Variants in PTPRK observed in about 807,000 individuals in gnomAD.
PTPRK encodes the protein receptor-type tyrosine-protein phosphatase kappa.
A neutral mutation model predicts 178.0 loss-of-function variants in PTPRK; 75 were observed. That is an observed-to-expected ratio of 0.42 (90% CI 0.35 to 0.51). The LOEUF (loss-of-function observed/expected upper bound fraction) is 0.51, where lower values mean the gene tolerates loss of function less well. PTPRK is among the 20% of genes least tolerant of loss of function. The pLI, the probability that PTPRK is intolerant of heterozygous loss-of-function variation, is 0.02. For synonymous variants in PTPRK, 637 were observed against 620.6 expected (o/e 1.03, Z -0.39); for missense variants, 1,441 against 1,797.8 (o/e 0.80, Z 3.59).
intron 1 of PTPRK, among the ~76,000 whole-genome samples, chr6:128,486,820 AGAAGGAAG>A (rs555080760): frequency 6.7e-6 from 1 of 149,448 alleles, no homozygotes; most frequent in Non-Finnish European, 1.5e-5. Context: ...AAGGAAGGAA[AGAAGGAAG>A]GAAGGAAGGA....
intron 10 of PTPRK, among the ~76,000 whole-genome samples, chr6:128,081,768 T>C (rs1404428374): frequency 6.6e-6 from 1 of 152,060 alleles, no homozygotes; most frequent in Non-Finnish European, 1.5e-5. Context: ...TAGGGCATAC[T>C]ACAAAGCTAA....
At chr6:128,458,493 T>C (rs1025576649) in intron 1 of PTPRK, among the ~76,000 whole-genome samples, 1 of 152,222 alleles carries the variant, frequency 6.6e-6, no homozygotes, top group Admixed American at 6.5e-5. Context: ...TTGTATAATA[T>C]GACTTGAAAT....
intron 3 of PTPRK, among the ~76,000 whole-genome samples, chr6:128,263,921 C>A (rs981999): frequency 0.045 from 6,842 of 152,190 alleles, 516 homozygotes; most frequent in African/African-American, 0.16. Context: ...GTTGGAAAGG[C>A]CAGAGTAGTG....
chr6:128,484,896 A>G (rs1209343474), intron 1 of PTPRK, among the ~76,000 whole-genome samples: 1 of 152,178 alleles, frequency 6.6e-6, no homozygotes, highest in Non-Finnish European at 1.5e-5. Context: ...TCTAACTACT[A>G]TAATTTTAAT....
intron 1 of PTPRK, among the ~76,000 whole-genome samples, chr6:128,480,720 T>G (rs1032089045): frequency 6.6e-6 from 1 of 152,160 alleles, no homozygotes; most frequent in Admixed American, 6.5e-5. Context: ...GTTCACATAA[T>G]TGGACGTGAA....
chr6:128,409,346 C>G (rs1002944418), intron 1 of PTPRK: 6 of 454,404 alleles, frequency 1.3e-5, no homozygotes, highest in Admixed American at 4.7e-5. Context: ...AAGATAAAAT[C>G]AGAATGCAAA....
At chr6:128,282,420 C>A (rs1425920827) in intron 3 of PTPRK, among the ~76,000 whole-genome samples, 2 of 152,164 alleles carry the variant, frequency 1.3e-5, no homozygotes, top group African/African-American at 4.8e-5. Context: ...TTGTCACTTG[C>A]TGAAATCCCA....
intron 6 of PTPRK, among the ~76,000 whole-genome samples, chr6:128,187,870 T>C (rs966346391): frequency 2.6e-5 from 4 of 152,198 alleles, no homozygotes; most frequent in Non-Finnish European, 5.9e-5. Context: ...TATTAAATTT[T>C]TATGTTGGAG....
rs181719166 is a variant in PTPRK at position 128,376,766 on chromosome 6, C to T, written c.223+20800G>A. On this transcript the variant is annotated intron_variant, in intron 2 of 29. Transcript: ENST00000368226. ...AGTCACTCTTGAATGCTTTGCTGCTCAGAAATTTCTTTCACCAGATAACCT... is the reference window on the plus strand; with the variant it reads ...AGTCACTCTTGAATGCTTTGCTGCTTAGAAATTTCTTTCACCAGATAACCT... Among the ~76,000 whole-genome samples, 10 of 152,252 alleles carry T rather than the reference C, an allele frequency of 6.6e-5. No homozygotes were observed. The East Asian group carries it at 1.9e-3, about 29-fold the overall frequency.
At chr6:128,029,315 T>C (rs556183774) in intron 13 of PTPRK, among the ~76,000 whole-genome samples, 159 of 152,170 alleles carry the variant, frequency 1.0e-3, no homozygotes, top group Non-Finnish European at 1.7e-3. Context: ...CTACGCTTCC[T>C]CTACAGCCTG....
intron 10 of PTPRK, among the ~76,000 whole-genome samples, chr6:128,081,976 T>C (rs1283927887): frequency 6.6e-6 from 1 of 152,008 alleles, no homozygotes; most frequent in Non-Finnish European, 1.5e-5. Context: ...TTTTTAAGTG[T>C]GAAAGAAAAG....
rs547405757 is a variant in PTPRK at position 128,456,575 on chromosome 6, G to T, written c.101-58887C>A. On this transcript the variant is annotated intron_variant, in intron 1 of 29. Coordinates refer to ENST00000368226, the MANE Select transcript of PTPRK (RefSeq NM_002844.4). ...TGAAGTTATGCAGTCCCTCAAGTAT[G>T]GAAGATAAGATAACTATAATTACCA... Among the ~76,000 whole-genome samples, 3 of 152,014 alleles carry T rather than the reference G, an allele frequency of 2.0e-5. No homozygotes were observed. The East Asian group carries it at 5.8e-4, about 29-fold the overall frequency.
intron 2 of PTPRK, among the ~76,000 whole-genome samples, chr6:128,376,028 G>A (rs1000081877): frequency 2.6e-5 from 4 of 152,128 alleles, no homozygotes; most frequent in African/African-American, 4.8e-5. Context: ...TCATGGGTTG[G>A]CATTGAGTGT....
chr6:128,067,820 C>T (rs1782081484), intron 11 of PTPRK, 28 bp from the exon 12 acceptor site: 1 of 1,532,432 alleles, frequency 6.5e-7, no homozygotes. Context: ...AAAGAACACA[C>T]ATATATATAC....
intron 5 of PTPRK, among the ~76,000 whole-genome samples, chr6:128,227,666 A>G (rs1811587074): frequency 6.6e-6 from 1 of 152,184 alleles, no homozygotes; most frequent in Non-Finnish European, 1.5e-5. Flanking sequence ...AAAATAAGGA[A>G]CAGAGTATAA....
intron 3 of PTPRK, among the ~76,000 whole-genome samples, chr6:128,280,223 C>T (rs565632696): frequency 3.3e-5 from 5 of 152,222 alleles, no homozygotes; most frequent in African/African-American, 1.2e-4. Context: ...TCTTGGTAAC[C>T]AGGTATCCTA....
chr6:128,308,941 A>G (rs1826841385), intron 3 of PTPRK, among the ~76,000 whole-genome samples: 3 of 152,176 alleles, frequency 2.0e-5, no homozygotes, highest in South Asian at 4.1e-4. Context: ...GAAAAGAATC[A>G]AAGATTCAGG....
chr6:128,519,222 T>C lies in PTPRK; in HGVS notation c.100+1037A>G, dbSNP rs1168639498. 2.3e-6 allele frequency: 1 copy of C among 436,076 alleles called. No homozygotes were observed. Among genetic ancestry groups the C allele is most frequent in the East Asian group, 7.1e-5 (1 of 14,168 alleles). 27.0% of individuals were successfully genotyped at this position (436,076 alleles called of 1,614,324 possible). On this transcript the variant is annotated intron_variant, in intron 1 of 29. Transcript: ENST00000368226. The surrounding 1 kb of genome is among the most constrained non-coding windows in gnomAD (Gnocchi z 4.3). ...GGGAGCCCGCTCCCCAGCGTCCACC[T>C]GGTGAAACTTCAGAGCCCCCAGAGG...
chr6:128,266,134 G>A (rs1338315861), intron 3 of PTPRK, among the ~76,000 whole-genome samples: 1 of 152,110 alleles, frequency 6.6e-6, no homozygotes, highest in Non-Finnish European at 1.5e-5. Flanking sequence ...GCAGACTGAA[G>A]TGACTAAGCT....
Sources: gnomAD v4.1 joint callset for allele counts (sites outside exome capture counted in the v4.1 genomes callset) on GRCh38, gnomAD v4.1.1 for gene constraint, Gnocchi (gnomAD v3.1) non-coding constraint, MANE v1.5 for transcripts, NCBI Gene and HGNC (gene_info 2026-07-23, HGNC 2026-07-21) for gene names.